NECTIN2: variants seen among roughly 807,000 people sequenced by gnomAD.
NECTIN2 encodes nectin-2.
Under a neutral mutation model 56.9 loss-of-function variants are expected in NECTIN2, and 23 were observed. The ratio of observed to expected loss-of-function variants is 0.40; its 90% CI spans 0.29 to 0.57. The LOEUF is 0.57. Ranked by LOEUF, NECTIN2 falls within the 20% of genes least tolerant of loss-of-function variation. The probability of loss-of-function intolerance (pLI) is 0.38; values close to 1 mark genes in which losing one functional copy is unlikely to be tolerated. For missense variants in NECTIN2, 587 were observed against 718.3 expected (o/e 0.82, Z 2.09); for synonymous variants, 302 against 313.8 (o/e 0.96, Z 0.40).
chr19:44,884,627 A>G (rs1969340592), intron 6 of NECTIN2, among the ~76,000 whole-genome samples: 1 of 152,196 alleles, frequency 6.6e-6, no homozygotes, highest in East Asian at 1.9e-4. Context: ...AGCTCACAAT[A>G]TGGAGGAGGA....
chr19:44,866,173 T>TA (rs57550705), intron 2 of NECTIN2, among the ~76,000 whole-genome samples: 53 of 143,118 alleles, frequency 3.7e-4, no homozygotes, highest in Non-Finnish European at 3.4e-4. Flanking sequence ...AGACTCGGTC[T>TA]AAAAAAAAAA....
chr19:44,865,493 C>A lies in NECTIN2; in HGVS notation c.311C>A (p.Ser104Tyr). The change falls in exon 2 of 9, where the codon TCC (serine) becomes TAC (tyrosine). Residue 104 changes from serine to tyrosine, a missense_variant. Ser to Tyr is a moderately radical substitution (Grantham distance 144). Coordinates refer to ENST00000252483, the MANE Select transcript of NECTIN2 (RefSeq NM_001042724.2). The surrounding 1 kb of genome is among the most constrained non-coding windows in gnomAD (Gnocchi z 5.2). ...PSPKPGSERLSFVSAKQSTGQ... is the reference protein window; with the variant it reads ...PSPKPGSERLYFVSAKQSTGQ... ...CCGAAGCCTGGCAGCGAGCGGCTGT[C>A]CTTCGTCTCTGCCAAGCAGAGCACT... 1 of 1,608,180 alleles carries A rather than the reference C, an allele frequency of 6.2e-7. No homozygotes were observed. Among genetic ancestry groups the A allele is most frequent in the Non-Finnish European group, 8.5e-7 (1 of 1,177,620 alleles).
chr19:44,846,336 G>A lies in NECTIN2; in HGVS notation c.-190G>A. ...TTCGAACCGCCGGAGCTGAGCGAGA[G>A]GCCGGGGGTGCCGAGCCGGGCGGGG... On this transcript the variant is annotated 5_prime_UTR_variant, in exon 1 of 9. Coordinates refer to ENST00000252483, the MANE Select transcript of NECTIN2 (RefSeq NM_001042724.2). The A allele has an allele frequency of 3.2e-6, 2 of 620,672 alleles. No individual in the cohort carries two copies. The highest frequency in any genetic ancestry group is 5.0e-6 in the Non-Finnish European group (2 of 403,582). The allele number at this position is 620,672 out of a possible 1,614,324, so 38.4% of individuals were successfully genotyped here.
In NECTIN2 at chr19:44,878,879, C is replaced by T. The variant is rs796104055; in HGVS notation, c.1043-3332C>T. The T allele has an allele frequency of 3.4e-5, 44 of 1,295,308 alleles. No individual in the cohort carries two copies. In the African/African-American group the frequency reaches 6.3e-4, roughly 19 times the overall value. 80.2% of individuals were successfully genotyped at this position (1,295,308 alleles called of 1,614,324 possible). ...CCCGCCCCCAGAGACTTGGTTTTGGCTCCAGCCTTCCCCTGGCCCCGTGAC... is the reference window on the plus strand; with the variant it reads ...CCCGCCCCCAGAGACTTGGTTTTGGTTCCAGCCTTCCCCTGGCCCCGTGAC... On this transcript the variant is annotated intron_variant, in intron 5 of 8. Coordinates refer to ENST00000252483, the MANE Select transcript of NECTIN2 (RefSeq NM_001042724.2).
chr19:44,873,629 T>G (rs539851899), intron 3 of NECTIN2, among the ~76,000 whole-genome samples: 1 of 137,572 alleles, frequency 7.3e-6, no homozygotes, highest in Non-Finnish European at 1.5e-5. Context: ...CAAGATCCTG[T>G]CTCAAAAACA....
At position 44,888,260 on chromosome 19, in the gene NECTIN2, G is replaced by A. The variant is rs1415353897; in HGVS notation, c.1498G>A (p.Glu500Lys). 2.5e-6 allele frequency: 4 copies of A among 1,613,882 alleles called. No individual in the cohort carries two copies. The highest frequency in any genetic ancestry group is 3.4e-6 in the Non-Finnish European group (4 of 1,179,850). The stretch of plus-strand genomic sequence containing the variant: ...CCTGGATCTAGAGGATGAGGAGGGG[G>A]AGGAGGAGGAAGAGTATCTGGACAA... Reference protein sequence around the residue: ...VSLDLEDEEGEEEEEYLDKIN... With the variant: ...VSLDLEDEEGKEEEEYLDKIN... The change falls in exon 9 of 9, where the codon GAG (glutamate) becomes AAG (lysine). Residue 500 changes from glutamate to lysine, a missense_variant. Glu to Lys is a moderately conservative substitution (Grantham distance 56). Coordinates refer to ENST00000252483, the MANE Select transcript of NECTIN2 (RefSeq NM_001042724.2).
Position 44,874,289 on chromosome 19 carries a change from C to T in NECTIN2, c.894-41C>T, listed in dbSNP as rs148767211. The T allele has an allele frequency of 4.4e-6, 7 of 1,600,774 alleles. No homozygotes were observed. The highest frequency in any genetic ancestry group is 1.3e-5 in the African/African-American group (1 of 74,608). On this transcript the variant is annotated intron_variant, in intron 4 of 8. Transcript: ENST00000252483. This position sits in a 1 kb window ranked among gnomAD's most constrained non-coding sequence, Gnocchi z 6.3. ...AGGGATGAGGCCTGTGCTCCCCTCT[C>T]GACCTTGGTATCCCTCTCACCTGAC...
intron 5 of NECTIN2, among the ~76,000 whole-genome samples, chr19:44,880,299 T>G (rs1311996492): frequency 6.6e-6 from 1 of 152,004 alleles, no homozygotes; most frequent in Admixed American, 6.6e-5. Context: ...ACACCTACTG[T>G]GTGCCGAACC....
chr19:44,865,677 C>G lies in NECTIN2; in HGVS notation c.478+17C>G. ...GAGTCATAGGTGAGCAGGGTAAGGG[C>G]GGGAGGCAAGGAGGTGGGAGGGCCG... On this transcript the variant is annotated intron_variant, in intron 2 of 8. Coordinates refer to ENST00000252483, the MANE Select transcript of NECTIN2 (RefSeq NM_001042724.2). This position sits in a 1 kb window ranked among gnomAD's most constrained non-coding sequence, Gnocchi z 5.2. 1 of 1,496,942 alleles carries G rather than the reference C, an allele frequency of 6.7e-7. No homozygotes were observed. The highest frequency in any genetic ancestry group is 1.3e-5 in the South Asian group (1 of 78,850). 92.7% of individuals were successfully genotyped at this position (1,496,942 alleles called of 1,614,324 possible). A position where few individuals can be genotyped will look rare whatever the true frequency, so the allele number is the denominator to read the frequency against.
At chr19:44,857,931 A>G (rs1968986660) in intron 1 of NECTIN2, among the ~76,000 whole-genome samples, 1 of 152,198 alleles carries the variant, frequency 6.6e-6, no homozygotes, top group South Asian at 2.1e-4. Flanking sequence ...AGGTATCTGC[A>G]GGTCTGGCTC....
intron 1 of NECTIN2, among the ~76,000 whole-genome samples, chr19:44,857,904 T>G (rs973477147): frequency 7.9e-5 from 12 of 152,142 alleles, no homozygotes; most frequent in Admixed American, 6.6e-4. Context: ...ACCAAGAATT[T>G]ACATTGAAAC....
At chr19:44,886,930 G>C (rs550399462) in intron 8 of NECTIN2, among the ~76,000 whole-genome samples, 1 of 151,752 alleles carries the variant, frequency 6.6e-6, no homozygotes, top group African/African-American at 2.4e-5. Context: ...ATGCCTGTAG[G>C]CTGAGGTGGG....
chr19:44,885,097 A>C (rs1240908722), intron 6 of NECTIN2, among the ~76,000 whole-genome samples: 1 of 151,782 alleles, frequency 6.6e-6, no homozygotes, highest in Non-Finnish European at 1.5e-5. Context: ...CCCGGGTTCA[A>C]GCAATTCTCC....
chr19:44,863,748 G>A (rs1037934935), intron 1 of NECTIN2, among the ~76,000 whole-genome samples: 7 of 151,506 alleles, frequency 4.6e-5, no homozygotes, highest in Non-Finnish European at 7.4e-5. Flanking sequence ...AGGAGGCTGA[G>A]GCACAAGAAT....
chr19:44,886,799 G>C (rs996689511), intron 8 of NECTIN2, among the ~76,000 whole-genome samples: 6 of 152,150 alleles, frequency 3.9e-5, no homozygotes, highest in Non-Finnish European at 8.8e-5. Context: ...CCAGTACTTT[G>C]GGAGGCCAAG....
chr19:44,874,947 A>ACT lies in NECTIN2; in HGVS notation c.1042+471_1042+472dup, dbSNP rs1969219884. ...CACCCAGTGATGGAAACTGGGTCAA[A>ACT]CTCACAACTGCAGGGCCACACACCT... is the stretch of plus-strand genomic sequence containing the variant. On this transcript the variant is annotated intron_variant, in intron 5 of 8. Transcript: ENST00000252483. The surrounding 1 kb of genome is among the most constrained non-coding windows in gnomAD (Gnocchi z 6.3). 3.3e-5 allele frequency among the ~76,000 whole-genome samples: 5 copies of ACT among 152,152 alleles called. No individual in the cohort carries two copies. In the South Asian group the frequency reaches 1.0e-3, roughly 32 times the overall value.
intron 6 of NECTIN2, among the ~76,000 whole-genome samples, chr19:44,884,933 T>G (rs1309280850): frequency 1.3e-5 from 2 of 152,250 alleles, no homozygotes. Context: ...GAACTCCTCA[T>G]AGTGGATTCT....
Position 44,849,369 on chromosome 19 carries a change from C to A in NECTIN2, c.88+2756C>A, listed in dbSNP as rs1968874697. On this transcript the variant is annotated intron_variant, in intron 1 of 8. Transcript: ENST00000252483. ...AGGCAGGGAGCCCCAAAGACTCCAG[C>A]TGTGGGACAGCAGAGGTGCCGTGAC... Among the ~76,000 whole-genome samples, 3 of 152,148 alleles carry A rather than the reference C, an allele frequency of 2.0e-5. No homozygotes were observed. In the South Asian group the frequency reaches 6.2e-4, roughly 32 times the overall value.
chr19:44,885,977 G>T lies in NECTIN2; in HGVS notation c.1237G>T (p.Ala413Ser). The change falls in exon 7 of 9, where the codon GCG (alanine) becomes TCG (serine). Residue 413 changes from alanine to serine, a missense_variant. Coordinates refer to ENST00000252483, the MANE Select transcript of NECTIN2 (RefSeq NM_001042724.2). ...CTCCTACAAGCCACCGACCCCAAAA[G>T]CGAAGCTGGAGGCACAGGAGATGGT... ...PPSYKPPTPK[A>S]KLEAQEMPSQ... The T allele has an allele frequency of 6.2e-7, 1 of 1,604,412 alleles. No homozygotes were observed. Among genetic ancestry groups the T allele is most frequent in the Non-Finnish European group, 8.5e-7 (1 of 1,171,264 alleles).
Sources: allele counts gnomAD v4.1 joint callset (sites outside exome capture counted in the v4.1 genomes callset), GRCh38; gene constraint gnomAD v4.1.1; non-coding constraint Gnocchi (gnomAD v3.1); transcripts MANE v1.5; gene names NCBI Gene and HGNC (gene_info 2026-07-23, HGNC 2026-07-21).